FARSB: variants seen among roughly 807,000 people sequenced by gnomAD.
The protein encoded by FARSB is phenylalanyl-tRNA synthetase subunit beta.
A neutral mutation model predicts 69.6 loss-of-function variants in FARSB; 40 were observed. The ratio of observed to expected loss-of-function variants is 0.57; its 90% confidence interval spans 0.45 to 0.75. The LOEUF (loss-of-function observed/expected upper bound fraction) is 0.75, where lower values mean the gene tolerates loss of function less well. Among genes scored for constraint, FARSB ranks in the 30% least tolerant of loss-of-function variants. FARSB has a pLI of 0.00. For missense variants in FARSB, 632 were observed against 722.9 expected, an observed-to-expected ratio of 0.87 and a Z score of 1.44; for synonymous variants, 235 against 247.2, an observed-to-expected ratio of 0.95 and a Z score of 0.46.
chr2:222,648,061 G>T (rs952339747), intron 2 of FARSB, among the ~76,000 whole-genome samples: 1 of 152,104 alleles, frequency 6.6e-6, no homozygotes, highest in Non-Finnish European at 1.5e-5. Context: ...CCCGGCCAGA[G>T]GATGCTCAGG....
chr2:222,641,127 G>T (rs1405002318), intron 3 of FARSB, among the ~76,000 whole-genome samples, 196 bp from the exon 4 acceptor site: 1 of 149,700 alleles, frequency 6.7e-6, no homozygotes, highest in Non-Finnish European at 1.5e-5. Context: ...ATTTAAAGTT[G>T]TCCAAAAATG....
intron 16 of FARSB, among the ~76,000 whole-genome samples, chr2:222,594,084 C>A (rs1317700732): frequency 7.4e-6 from 1 of 135,564 alleles, no homozygotes; most frequent in African/African-American, 2.7e-5. Context: ...AGGCAAAAAC[C>A]CGCCTCTACA....
At chr2:222,629,562 C>T (rs1252333600) in intron 9 of FARSB, among the ~76,000 whole-genome samples, 2 of 152,136 alleles carry the variant, frequency 1.3e-5, no homozygotes, top group Non-Finnish European at 2.9e-5. Flanking sequence ...TCCATGAAGC[C>T]TTCTCAGATT....
At chr2:222,638,327 C>G (rs1691636568) in intron 5 of FARSB, among the ~76,000 whole-genome samples, 1 of 152,122 alleles carries the variant, frequency 6.6e-6, no homozygotes, top group Admixed American at 6.5e-5. Context: ...CCAAATAAAA[C>G]AGAGCTTAAA....
At chr2:222,583,957 C>T (rs776383314) in intron 16 of FARSB, among the ~76,000 whole-genome samples, 6 of 152,110 alleles carry the variant, frequency 3.9e-5, no homozygotes, top group Admixed American at 1.3e-4. Flanking sequence ...TCAATTAAAC[C>T]TCTTTTCTTT....
At chr2:222,626,809 G>T (rs535378650) in intron 10 of FARSB, among the ~76,000 whole-genome samples, 4 of 152,066 alleles carry the variant, frequency 2.6e-5, no homozygotes, top group Non-Finnish European at 4.4e-5. Context: ...CAAAGCGGGC[G>T]GATCACAAGG....
intron 8 of FARSB, among the ~76,000 whole-genome samples, chr2:222,630,704 G>C (rs866757350): frequency 6.6e-6 from 1 of 151,816 alleles, no homozygotes; most frequent in Non-Finnish European, 1.5e-5. Flanking sequence ...AAAAAATACC[G>C]TGACCTTATT....
chr2:222,635,553 T>C (rs1691557361), intron 5 of FARSB, among the ~76,000 whole-genome samples: 1 of 152,236 alleles, frequency 6.6e-6, no homozygotes, highest in East Asian at 1.9e-4. Flanking sequence ...CATGGTTTGA[T>C]AAATGCAGGT....
chr2:222,584,778 C>A (rs2106183539), intron 16 of FARSB, among the ~76,000 whole-genome samples: 1 of 152,318 alleles, frequency 6.6e-6, no homozygotes, highest in East Asian at 1.9e-4. Flanking sequence ...TGCAAGGCTG[C>A]AGCAAGGCTG....
rs115580977 is a variant in FARSB at position 222,600,226 on chromosome 2, C to T, written c.1463-143G>A. The T allele has an allele frequency of 2.5e-3, 1,548 of 615,704 alleles. 18 individuals are homozygous for T. The African/African-American group carries it at 0.028, about 11-fold the overall frequency. The allele number at this position is 615,704 out of a possible 1,614,324, so 38.1% of individuals were successfully genotyped here. ...AGAGAAGGATTCAACCTCACAAATG[C>T]AAAATAAGATAAAATAGTCTTTTTT... On this transcript the variant is annotated intron_variant, in intron 15 of 16. Transcript: ENST00000281828.
chr2:222,634,213 TA>T (rs1373774142), intron 6 of FARSB, among the ~76,000 whole-genome samples, 177 bp downstream of exon 6: 1 of 152,180 alleles, frequency 6.6e-6, no homozygotes, highest in Non-Finnish European at 1.5e-5. Context: ...TAATAATAAA[TA>T]AAATAAAACT....
intron 10 of FARSB, among the ~76,000 whole-genome samples, chr2:222,626,243 CAAAAAAAAAAA>C (rs36117232): frequency 4.2e-4 from 24 of 56,980 alleles, no homozygotes; most frequent in South Asian, 1.6e-3. Flanking sequence ...GACTCCATCT[CAAAAAAAAAAA>C]AAAAAAAAAA....
intron 7 of FARSB, among the ~76,000 whole-genome samples, chr2:222,632,020 C>T (rs1043982887): frequency 2.6e-5 from 4 of 151,618 alleles, no homozygotes; most frequent in Non-Finnish European, 5.9e-5. Flanking sequence ...TGTGGTGAGC[C>T]GAGATGGTGC....
At chr2:222,642,768 A>T in intron 3 of FARSB, 83 bp downstream of exon 3, 1 of 1,100,242 alleles carries the variant, frequency 9.1e-7, no homozygotes, top group Non-Finnish European at 1.3e-6. Context: ...TTTTCCTAGA[A>T]ATTTAAACAT....
At chr2:222,574,434 T>C (rs1689786704) in intron 16 of FARSB, among the ~76,000 whole-genome samples, 1 of 152,216 alleles carries the variant, frequency 6.6e-6, no homozygotes, top group African/African-American at 2.4e-5. Flanking sequence ...CCTGGACACA[T>C]AGACCCATCC....
rs1019175674 is a variant in FARSB at position 222,571,333 on chromosome 2, G to C, written c.*538C>G. The C allele has an allele frequency of 6.6e-6, 1 of 152,154 alleles. No homozygotes were observed. The highest frequency in any genetic ancestry group is 2.4e-5 in the African/African-American group (1 of 41,388). The allele number at this position is 152,154 out of a possible 1,614,324, so 9.4% of individuals were successfully genotyped here. A position where few individuals can be genotyped will look rare whatever the true frequency, so the allele number is the denominator to read the frequency against. On this transcript the variant is annotated 3_prime_UTR_variant, in exon 17 of 17. Coordinates refer to ENST00000281828, the MANE Select transcript of FARSB (RefSeq NM_005687.5). ...ACAGATTTTTCTTTCACTTTAAACT[G>C]ACCTCAGAAGCTATAATTGTTGGAC...
At chr2:222,584,122 T>A (rs970384199) in intron 16 of FARSB, among the ~76,000 whole-genome samples, 1 of 152,156 alleles carries the variant, frequency 6.6e-6, no homozygotes, top group Non-Finnish European at 1.5e-5. Context: ...ATTATTATTA[T>A]GGTTATAGAG....
rs745471176 is a variant in FARSB, at chr2:222,634,522, T to C, written c.475A>G (p.Ile159Val). The change falls in exon 6 of 17, where the codon ATT (isoleucine) becomes GTT (valine). Residue 159 changes from isoleucine (I) to valine (V), a missense_variant. Coordinates refer to ENST00000281828, the MANE Select transcript of FARSB (RefSeq NM_005687.5). ...AAAGTGTCCAAATCATGGGTACCAATGGCAACCAGTGCTCTTTTCCTAATT... is the reference window on the plus strand; with the variant it reads ...AAAGTGTCCAAATCATGGGTACCAACGGCAACCAGTGCTCTTTTCCTAATT... ...NICRKRALVA[I>V]GTHDLDTLSG... 5 of 1,612,682 alleles carry C rather than the reference T, an allele frequency of 3.1e-6. No homozygotes were observed. The Admixed American group carries it at 8.4e-5, about 27-fold the overall frequency.
In FARSB at chr2:222,642,921, C is replaced by A. The variant is rs139085353; in HGVS notation, c.199G>T (p.Val67Phe). The A allele has an allele frequency of 6.2e-7, 1 of 1,612,366 alleles. No homozygotes were observed. The highest frequency in any genetic ancestry group is 1.1e-5 in the South Asian group (1 of 91,016). Residue 67 changes from valine (V) to phenylalanine (F), a missense_variant, in exon 3 of 17, where the codon GTC (valine) becomes TTC (phenylalanine). Transcript: ENST00000281828. ...ASDVVLYKIDVPANRYDLLCL... is the reference protein window; with the variant it reads ...ASDVVLYKIDFPANRYDLLCL... ...AGGAGATCATATCTATTGGCAGGGA[C>A]GTCAATTTTGTAAAGAACAACATCA...
Sources: gnomAD v4.1 joint callset for allele counts (sites outside exome capture counted in the v4.1 genomes callset) on GRCh38, gnomAD v4.1.1 for gene constraint, MANE v1.5 for transcripts, NCBI Gene and HGNC (gene_info 2026-07-23, HGNC 2026-07-21) for gene names.